Variants in OLFM1 observed in about 807,000 individuals in gnomAD.
OLFM1 encodes noelin.
In OLFM1, 9 loss-of-function variants were observed where a neutral mutation model predicts 49.7. That is an observed-to-expected ratio of 0.18 (90% CI 0.11 to 0.32). The LOEUF (loss-of-function observed/expected upper bound fraction) is 0.32, where lower values mean the gene tolerates loss of function less well. Ranked by LOEUF, OLFM1 falls within the 10% of genes least tolerant of loss-of-function variation. The pLI is 1.00. For missense variants in OLFM1, 369 were observed against 661.8 expected (o/e 0.56, Z 4.85); for synonymous variants, 240 against 271.8 (o/e 0.88, Z 1.15).
At chr9:135,077,849 G>GA (rs911763624) in intron 1 of OLFM1, among the ~76,000 whole-genome samples, 4 of 152,268 alleles carry the variant, frequency 2.6e-5, no homozygotes, top group Non-Finnish European at 4.4e-5. Context: ...TGGGATTTTG[G>GA]AAAAAAGCCT....
chr9:135,076,465 C>A lies in OLFM1; in HGVS notation c.96+663C>A. 2.1e-6 allele frequency: 3 copies of A among 1,400,414 alleles called. No individual in the cohort carries two copies. The East Asian group carries it at 7.5e-5, about 35-fold the overall frequency. 86.7% of individuals were successfully genotyped at this position (1,400,414 alleles called of 1,614,324 possible). On this transcript the variant is annotated intron_variant, in intron 1 of 5. Coordinates refer to the OLFM1 transcript ENST00000252854. The stretch of plus-strand genomic sequence containing the variant: ...TCAAACGGGCTTGTCGTACCCTGAA[C>A]AATGTATCAATAGAGAAAGGTCTCT...
At position 135,087,854 on chromosome 9, in the gene OLFM1, G is replaced by GGGC. The variant is rs1830621173; in HGVS notation, c.-127_-125dup. The GGGC allele has an allele frequency of 2.1e-6, 2 of 955,466 alleles. No homozygotes were observed. Among genetic ancestry groups the GGGC allele is most frequent in the Non-Finnish European group, 2.5e-6 (2 of 805,818 alleles). The allele number at this position is 955,466 out of a possible 1,614,324, so 59.2% of individuals were successfully genotyped here. On this transcript the variant is annotated 5_prime_UTR_variant, in exon 1 of 6. Transcript: ENST00000371793. ...GCGCGGGGCGGCGGCGGCGGCGGGC[G>GGGC]GGCGGCGGCGGGCCGAGGGGGCGCG... is the stretch of plus-strand genomic sequence containing the variant.
chr9:135,076,493 T>G (rs1274566929), intron 1 of OLFM1: 1 of 1,350,856 alleles, frequency 7.4e-7, no homozygotes. Flanking sequence ...AGGTCTCTGC[T>G]TGGTATTCTC....
chr9:135,092,099 G>A lies in OLFM1; in HGVS notation c.300+1755G>A, dbSNP rs144266463. Among the ~76,000 whole-genome samples, 848 of 152,328 alleles carry A rather than the reference G, an allele frequency of 5.6e-3. 13 individuals are homozygous for A. Among genetic ancestry groups the A allele is most frequent in the African/African-American group, 0.019 (788 of 41,576 alleles). ...AGATGGTGCTGTCACTGCCCACCTCGTTGGGGAAGGTGGGAGCAGCCTGGT... is the reference window on the plus strand; with the variant it reads ...AGATGGTGCTGTCACTGCCCACCTCATTGGGGAAGGTGGGAGCAGCCTGGT... On this transcript the variant is annotated intron_variant, in intron 2 of 5. Transcript: ENST00000371793.
At chr9:135,102,634 G>A (rs1358058704) in intron 4 of OLFM1, among the ~76,000 whole-genome samples, 1 of 152,108 alleles carries the variant, frequency 6.6e-6, no homozygotes, top group South Asian at 2.1e-4. Context: ...GTCTGATCTC[G>A]AGGCCTGGCG....
At chr9:135,078,286 C>G (rs1056163229) in intron 1 of OLFM1, among the ~76,000 whole-genome samples, 1 of 152,182 alleles carries the variant, frequency 6.6e-6, no homozygotes, top group Non-Finnish European at 1.5e-5. Context: ...TAGCTCCTTC[C>G]AAGGGATGGA....
chr9:135,081,080 G>A (rs1052479253), intron 1 of OLFM1, among the ~76,000 whole-genome samples: 10 of 152,200 alleles, frequency 6.6e-5, no homozygotes, highest in Non-Finnish European at 1.3e-4. Context: ...GATACCGCAT[G>A]TCACGAGTGT....
At chr9:135,103,173 G>T (rs1830894031) in intron 4 of OLFM1, among the ~76,000 whole-genome samples, 1 of 152,188 alleles carries the variant, frequency 6.6e-6, no homozygotes, top group Non-Finnish European at 1.5e-5. Context: ...AGTGCAGGAA[G>T]CCCGGCCAGC....
intron 5 of OLFM1, among the ~76,000 whole-genome samples, chr9:135,116,062 G>A (rs996972510): frequency 6.6e-6 from 1 of 152,216 alleles, no homozygotes; most frequent in Non-Finnish European, 1.5e-5. Context: ...CGCCTCCCCA[G>A]AGAGGAAGCT....
chr9:135,095,709 C>T (rs1053967436), intron 2 of OLFM1, among the ~76,000 whole-genome samples, 155 bp from the exon 3 acceptor site: 2 of 152,076 alleles, frequency 1.3e-5, no homozygotes, highest in Admixed American at 6.6e-5. Context: ...TCACAGTCCG[C>T]GATGCTGGCG....
intron 4 of OLFM1, among the ~76,000 whole-genome samples, chr9:135,101,982 C>A (rs1305242340): frequency 3.3e-5 from 5 of 152,236 alleles, no homozygotes; most frequent in Admixed American, 2.6e-4. Context: ...AGCCCCCAGA[C>A]ACCCATAAGC....
chr9:135,120,196 C>A lies in OLFM1; in HGVS notation c.*18C>A. On this transcript the variant is annotated 3_prime_UTR_variant, in exon 6 of 6. Coordinates refer to ENST00000371793, the MANE Select transcript of OLFM1 (RefSeq NM_001282611.2). Reference sequence around the variant, plus strand: ...AGTTGTAGCTCCCTCCTCCTGGAAGCCAAGGGCCCACGTCCTCACCACAAA... The same window carrying A: ...AGTTGTAGCTCCCTCCTCCTGGAAGACAAGGGCCCACGTCCTCACCACAAA... 1 of 1,592,630 alleles carries A rather than the reference C, an allele frequency of 6.3e-7. No homozygotes were observed. The highest frequency in any genetic ancestry group is 1.7e-5 in the Admixed American group (1 of 58,360).
intron 3 of OLFM1, among the ~76,000 whole-genome samples, chr9:135,096,528 C>T (rs1217130251): frequency 1.3e-5 from 2 of 152,254 alleles, no homozygotes; most frequent in Non-Finnish European, 1.5e-5. Flanking sequence ...GCCACCTTGA[C>T]AGGGGCGGCC....
At chr9:135,095,760 G>T in intron 2 of OLFM1, 104 bp from the exon 3 acceptor site, 1 of 1,248,042 alleles carries the variant, frequency 8.0e-7, no homozygotes, top group Non-Finnish European at 1.1e-6. Flanking sequence ...CTGGTTCCCA[G>T]TGTGCTGGCT....
At chr9:135,100,989 C>G (rs974184106) in intron 4 of OLFM1, among the ~76,000 whole-genome samples, 5 of 152,176 alleles carry the variant, frequency 3.3e-5, no homozygotes, top group African/African-American at 1.2e-4. Context: ...GCTGACCTTC[C>G]TCCTCCCTCT....
At chr9:135,091,666 G>C (rs114526529) in intron 2 of OLFM1, among the ~76,000 whole-genome samples, 6 of 21,744 alleles carry the variant, frequency 2.8e-4, no homozygotes, top group Admixed American at 8.1e-4. Context: ...CACACACACA[G>C]TCACACACTC....
intron 1 of OLFM1, chr9:135,075,964 G>A: frequency 8.2e-7 from 1 of 1,215,116 alleles, no homozygotes; most frequent in South Asian, 1.6e-5. Flanking sequence ...CGCTAGGCTG[G>A]ACCTGGGTGG....
intron 5 of OLFM1, among the ~76,000 whole-genome samples, chr9:135,114,393 G>A (rs1831067785): frequency 6.6e-6 from 1 of 152,060 alleles, no homozygotes; most frequent in South Asian, 2.1e-4. Context: ...GGGATTACAA[G>A]CGTAAGCCCC....
chr9:135,110,689 C>T (rs60915024), intron 5 of OLFM1, among the ~76,000 whole-genome samples: 4,157 of 152,274 alleles, frequency 0.027, 137 homozygotes, highest in African/African-American at 0.075. Context: ...GACCGAGAAC[C>T]GTTGTCTGTT....
Sources: gnomAD v4.1 joint callset for allele counts (sites outside exome capture counted in the v4.1 genomes callset) on GRCh38, gnomAD v4.1.1 for gene constraint, MANE v1.5 for transcripts, NCBI Gene and HGNC (gene_info 2026-07-23, HGNC 2026-07-21) for gene names.